The following AKAP17A variants were observed in gnomAD, a reference collection of about 807,000 sequenced individuals.
AKAP17A encodes A-kinase anchor protein 17A.
AKAP17A carries 15 observed loss-of-function variants against 52.2 expected under a neutral mutation model. The observed-to-expected ratio is 0.29, with a 90% CI of 0.19 to 0.44. The LOEUF is 0.44. AKAP17A is among the 20% of genes least tolerant of loss of function. The pLI, the probability that AKAP17A is intolerant of heterozygous loss-of-function variation, is 1.00. For missense variants in AKAP17A, 1,060 were observed against 1,007.0 expected, an observed-to-expected ratio of 1.05 and a Z score of -0.71; for synonymous variants, 514 against 424.7, an observed-to-expected ratio of 1.21 and a Z score of -2.58.
chrX:1,593,366 GC>G, intron 1 of AKAP17A, 77 bp from the exon 2 acceptor site: 1 of 1,428,870 alleles, frequency 7.0e-7, no homozygotes, highest in Non-Finnish European at 9.6e-7. Flanking sequence ...TCCAGAAAGT[GC>G]CTGCTGGCTT....
intron 2 of AKAP17A, 45 bp from the exon 3 acceptor site, chrX:1,595,339 G>A: frequency 6.2e-7 from 1 of 1,611,474 alleles, no homozygotes; most frequent in Admixed American, 1.7e-5. Context: ...GTGTGTCTGG[G>A]GGGTTTTGGG....
At chrX:1,598,885 C>T (rs1933179574) in intron 3 of AKAP17A, among the ~76,000 whole-genome samples, 3 of 152,304 alleles carry the variant, frequency 2.0e-5, no homozygotes, top group South Asian at 2.1e-4. Flanking sequence ...TCTGCCCATC[C>T]GTCTTTCCCC....
At chrX:1,598,078 T>G (rs1432756382) in intron 3 of AKAP17A, among the ~76,000 whole-genome samples, 1 of 152,210 alleles carries the variant, frequency 6.6e-6, no homozygotes, top group African/African-American at 2.4e-5. Flanking sequence ...AACTTTGAGC[T>G]TGATGAGAGC....
At chrX:1,597,752 G>T (rs1329429730) in intron 3 of AKAP17A, among the ~76,000 whole-genome samples, 3 of 151,998 alleles carry the variant, frequency 2.0e-5, no homozygotes, top group South Asian at 4.1e-4. Context: ...AGAGATGGAC[G>T]TTGGAGTAGT....
intron 4 of AKAP17A, 188 bp downstream of exon 4, chrX:1,599,620 G>C: frequency 1.2e-6 from 1 of 866,414 alleles, no homozygotes. Context: ...CGTTCCCGAT[G>C]ATTTCAGAGC....
Position 1,593,718 on chromosome X carries a change from A to G in AKAP17A, c.256A>G (p.Lys86Glu). 1 of 1,613,988 alleles carries G rather than the reference A, an allele frequency of 6.2e-7. No homozygotes were observed. The highest frequency in any genetic ancestry group is 8.5e-7 in the Non-Finnish European group (1 of 1,179,874). ...FIRFEGEVEN[K>E]SLVKSFLACL... ...CCGCTTCGAGGGGGAGGTGGAGAAC[A>G]AGAGCCTGGTCAAGTCTTTTCTGGC... The change falls in exon 2 of 5, where the codon AAG (lysine) becomes GAG (glutamate). Residue 86 changes from lysine to glutamate, a missense_variant. By Grantham distance (56) the Lys-to-Glu change is moderately conservative. This residue lies in a region of AKAP17A where 267 missense variants were observed against 377.1 expected (regional missense o/e 0.71). Transcript: ENST00000313871.
Position 1,601,063 on chromosome X carries a change from G to C in AKAP17A, c.1557G>C (p.Glu519Asp), listed in dbSNP as rs760836925. The change falls in exon 5 of 5, where the codon GAG (glutamate) becomes GAC (aspartate). Residue 519 changes from glutamate (E) to aspartate (D), a missense_variant. This residue lies in a region of AKAP17A where 793 missense variants were observed against 629.9 expected (regional missense o/e 1.26). Coordinates refer to ENST00000313871, the MANE Select transcript of AKAP17A (RefSeq NM_005088.3). ...PKSVNGSVAE[E>D]APCKEVQSSC... ...GCGTGAACGGGAGCGTGGCCGAGGAGGCCCCATGCAAGGAGGTTCAGAGCT... is the reference window on the plus strand; with the variant it reads ...GCGTGAACGGGAGCGTGGCCGAGGACGCCCCATGCAAGGAGGTTCAGAGCT... 1.7e-5 allele frequency: 27 copies of C among 1,613,422 alleles called. No individual in the cohort carries two copies. The highest frequency in any genetic ancestry group is 2.7e-5 in the African/African-American group (2 of 74,918).
At chrX:1,599,671 C>T (rs1329770133) in intron 4 of AKAP17A, 1 of 683,156 alleles carries the variant, frequency 1.5e-6, no homozygotes, top group Non-Finnish European at 2.6e-6. Context: ...ATTCAGGTTC[C>T]CCGAGCAGGC....
chrX:1,597,963 GTCCT>G (rs1472518060), intron 3 of AKAP17A, among the ~76,000 whole-genome samples: 2 of 152,292 alleles, frequency 1.3e-5, no homozygotes, highest in East Asian at 3.9e-4. Flanking sequence ...GTCCCCCACT[GTCCT>G]TCCTCAGAGG....
rs757868958 is a variant in AKAP17A at position 1,599,134 on chromosome X, G to C, written c.912-58G>C. ...CCGTGTTTGGAAAGCCGCTTGTATG[G>C]TGTGTGGTGTGTTGGCTGCGGCGCT... On this transcript the variant is annotated intron_variant, in intron 3 of 4. Coordinates refer to ENST00000313871, the MANE Select transcript of AKAP17A (RefSeq NM_005088.3). 147 of 1,591,218 alleles carry C rather than the reference G, an allele frequency of 9.2e-5. 2 individuals are homozygous for C. The East Asian group carries it at 1.7e-3, about 18-fold the overall frequency.
Position 1,600,720 on chromosome X carries a change from AGCG to A in AKAP17A, c.1223_1225del (p.Arg408del), listed in dbSNP as rs777518693. ...AAGCTGAGGCTCCAGCAGCAGGAGG[AGCG>A]GCGGCGGCTGCAGGAGGCCGAGCTG... On this transcript the variant is annotated inframe_deletion, in exon 5 of 5. Coordinates refer to ENST00000313871, the MANE Select transcript of AKAP17A (RefSeq NM_005088.3). The A allele has an allele frequency of 6.5e-6, 10 of 1,547,002 alleles. No homozygotes were observed. Among genetic ancestry groups the A allele is most frequent in the Middle Eastern group, 2.1e-4 (1 of 4,710 alleles).
intron 3 of AKAP17A, among the ~76,000 whole-genome samples, chrX:1,597,236 T>G (rs187862488): frequency 6.6e-6 from 1 of 152,198 alleles, no homozygotes; most frequent in Non-Finnish European, 1.5e-5. Context: ...TAGCCCCCGT[T>G]GCCTCCCCAG....
intron 4 of AKAP17A, 131 bp downstream of exon 4, chrX:1,599,563 T>C: frequency 1.6e-6 from 2 of 1,281,100 alleles, no homozygotes; most frequent in South Asian, 1.3e-5. Flanking sequence ...CCAGCTTTAA[T>C]GCCGAGGATG....
chrX:1,597,924 C>G (rs1402538428), intron 3 of AKAP17A, among the ~76,000 whole-genome samples: 1 of 152,096 alleles, frequency 6.6e-6, no homozygotes, highest in African/African-American at 2.4e-5. Context: ...CAGGAGGGCT[C>G]CACACGCAGG....
In AKAP17A at chrX:1,599,246, T is replaced by C; in HGVS notation, c.966T>C (p.Leu322=). The change falls in exon 4 of 5, where the codon CTT becomes CTC. Residue 322 remains leucine (L), a synonymous_variant. Transcript: ENST00000313871. ...GAGAGAGGAAAAGAGAAGAGAAGCTTCGCAAGAGGGAGCAGAAGCAGAGGG... is the reference window on the plus strand; with the variant it reads ...GAGAGAGGAAAAGAGAAGAGAAGCTCCGCAAGAGGGAGCAGAAGCAGAGGG... ...LERERKREEK[L]RKREQKQRDR... The C allele has an allele frequency of 6.2e-7, 1 of 1,612,530 alleles. No homozygotes were observed.
intron 3 of AKAP17A, 135 bp from the exon 4 acceptor site, chrX:1,599,057 C>A: frequency 7.2e-7 from 1 of 1,395,676 alleles, no homozygotes; most frequent in Non-Finnish European, 9.6e-7. Context: ...AACCGAGGTC[C>A]ACCTTGGGAT....
rs183864341 is a variant in AKAP17A, at chrX:1,595,585, T to A, written c.911+53T>A. 5.1e-4 allele frequency: 817 copies of A among 1,609,222 alleles called. 6 individuals are homozygous for A. The African/African-American group carries it at 9.4e-3, about 19-fold the overall frequency. ...CGCTGGTGTCCGGCACCTGGGAGTGTGCGCAGACCCGTGTGCGTGTGTCTG... is the reference window on the plus strand; with the variant it reads ...CGCTGGTGTCCGGCACCTGGGAGTGAGCGCAGACCCGTGTGCGTGTGTCTG... On this transcript the variant is annotated intron_variant, in intron 3 of 4. Coordinates refer to ENST00000313871, the MANE Select transcript of AKAP17A (RefSeq NM_005088.3).
At chrX:1,600,312 C>A in intron 4 of AKAP17A, 1 of 848,610 alleles carries the variant, frequency 1.2e-6, no homozygotes, top group South Asian at 1.6e-5. Context: ...CTGGCGGCCG[C>A]TTGTGACCTA....
intron 2 of AKAP17A, 116 bp downstream of exon 2, chrX:1,594,340 T>G: frequency 1.6e-6 from 2 of 1,256,172 alleles, no homozygotes; most frequent in Non-Finnish European, 2.1e-6. Flanking sequence ...CTCCCCTAAG[T>G]AAAATGGCAG....
Sources: allele counts gnomAD v4.1 joint callset (sites outside exome capture counted in the v4.1 genomes callset), GRCh38; gene constraint gnomAD v4.1.1; regional missense constraint gnomAD v4.1.1; transcripts MANE v1.5; gene names NCBI Gene and HGNC (gene_info 2026-07-23, HGNC 2026-07-21).